Variants in CACNA1A observed in about 807,000 individuals in gnomAD.
The protein encoded by CACNA1A is voltage-dependent P/Q-type calcium channel subunit alpha-1A.
CACNA1A carries 57 observed loss-of-function variants against 262.4 expected under a neutral mutation model. The ratio of observed to expected loss-of-function variants is 0.22; its 90% CI spans 0.18 to 0.27. The LOEUF (loss-of-function observed/expected upper bound fraction) is 0.27. Among genes scored for constraint, CACNA1A ranks in the 10% least tolerant of loss-of-function variants. CACNA1A has a pLI of 1.00. For missense variants in CACNA1A, 2,526 were observed against 3,562.8 expected, an observed-to-expected ratio of 0.71 and a Z score of 7.41; for synonymous variants, 1,431 against 1,419.3, an observed-to-expected ratio of 1.01 and a Z score of -0.18.
At chr19:13,292,667 T>C (rs574294494) in intron 19 of CACNA1A, among the ~76,000 whole-genome samples, 14 of 152,186 alleles carry the variant, frequency 9.2e-5, no homozygotes, top group Middle Eastern at 3.4e-3. Context: ...AGGGTACGTT[T>C]GCAAAAAGCC....
At position 13,207,992 on chromosome 19, in the gene CACNA1A, C is replaced by G; in HGVS notation, c.6842G>C (p.Arg2281Pro). The change falls in exon 47 of 47, where the codon CGG (arginine) becomes CCG (proline). Residue 2281 changes from arginine to proline, a missense_variant. Physicochemically the swap from Arg to Pro is moderately radical, Grantham distance 103. This residue lies in a region of CACNA1A where 929 missense variants were observed against 868.1 expected (regional missense o/e 1.07). Transcript: ENST00000360228. The surrounding 1 kb of genome is among the most constrained non-coding windows in gnomAD (Gnocchi z 5.7). Reference protein sequence around the residue: ...PSTSGTSTPRRGRRQLPQTPS... With the variant: ...PSTSGTSTPRPGRRQLPQTPS... The stretch of plus-strand genomic sequence containing the variant: ...GGTCTGGGGGAGCTGGCGGCGGCCC[C>G]GCCGCGGAGTGCTGGTACCAGATGT... 7.5e-7 allele frequency: 1 copy of G among 1,332,578 alleles called. No individual in the cohort carries two copies. 82.5% of individuals were successfully genotyped at this position (1,332,578 alleles called of 1,614,324 possible).
chr19:13,206,607 C>T lies in CACNA1A; in HGVS notation c.*706G>A. The T allele has an allele frequency of 6.5e-6, 1 of 154,056 alleles. No homozygotes were observed. 9.5% of individuals were successfully genotyped at this position (154,056 alleles called of 1,614,324 possible). On this transcript the variant is annotated 3_prime_UTR_variant, in exon 47 of 47. Coordinates refer to ENST00000360228, the MANE Select transcript of CACNA1A (RefSeq NM_001127222.2). ...TCTTCTTTTGTTGTTTCAAGCAGGACCAAATGTCAGAAAAAAATGCCTCTT... is the reference window on the plus strand; with the variant it reads ...TCTTCTTTTGTTGTTTCAAGCAGGATCAAATGTCAGAAAAAAATGCCTCTT...
chr19:13,472,594 C>T (rs1166439035), intron 1 of CACNA1A, among the ~76,000 whole-genome samples: 2 of 152,192 alleles, frequency 1.3e-5, no homozygotes, highest in African/African-American at 4.8e-5. Context: ...GGCCTTTGCA[C>T]ATGCTGTTCC....
chr19:13,413,315 C>T lies in CACNA1A; in HGVS notation c.539+39561G>A, dbSNP rs555234593. ...TAGAGATGGGGTTTCACTGTGTTAG[C>T]CAGGATGGTCTCAATCTCCTGACCT... On this transcript the variant is annotated intron_variant, in intron 3 of 46. Coordinates refer to ENST00000360228, the MANE Select transcript of CACNA1A (RefSeq NM_001127222.2). Among the ~76,000 whole-genome samples, 72 of 151,142 alleles carry T rather than the reference C, an allele frequency of 4.8e-4. No homozygotes were observed. In the East Asian group the frequency reaches 7.8e-3, roughly 16 times the overall value.
intron 3 of CACNA1A, among the ~76,000 whole-genome samples, chr19:13,374,740 T>C (rs1005038941): frequency 2.6e-5 from 4 of 152,216 alleles, no homozygotes; most frequent in Non-Finnish European, 5.9e-5. Context: ...GTCCTTAGTA[T>C]TTCACTTCAC....
intron 28 of CACNA1A, among the ~76,000 whole-genome samples, 182 bp from the exon 29 acceptor site, chr19:13,255,441 C>T (rs2056520545): frequency 6.6e-6 from 1 of 152,082 alleles, no homozygotes; most frequent in South Asian, 2.1e-4. Context: ...CTTATCCCAA[C>T]AGCTACAGTT....
intron 19 of CACNA1A, among the ~76,000 whole-genome samples, chr19:13,293,439 CTTTTTTT>C (rs974515720): frequency 2.5e-5 from 2 of 80,834 alleles, no homozygotes; most frequent in Admixed American, 1.8e-4. Context: ...TCAGTTAAAT[CTTTTTTT>C]TTTTTTTTTT....
In CACNA1A at chr19:13,495,625, T is replaced by C. The variant is rs1011164783; in HGVS notation, c.293+10307A>G. Among the ~76,000 whole-genome samples, 4 of 152,256 alleles carry C rather than the reference T, an allele frequency of 2.6e-5. 1 individual carries two copies. Among genetic ancestry groups the C allele is most frequent in the Admixed American group, 2.0e-4 (3 of 15,280 alleles). ...AAAATTCACTTGATACTGGAAAAGG[T>C]ACAAATAAGGTGGTAAGCGGAGAGA... On this transcript the variant is annotated intron_variant, in intron 1 of 46. Coordinates refer to ENST00000360228, the MANE Select transcript of CACNA1A (RefSeq NM_001127222.2).
At chr19:13,406,662 G>T (rs1389519004) in intron 3 of CACNA1A, among the ~76,000 whole-genome samples, 1 of 150,256 alleles carries the variant, frequency 6.7e-6, no homozygotes, top group Non-Finnish European at 1.5e-5. Flanking sequence ...TTTGCCCTTT[G>T]ATACTGCACT....
chr19:13,505,096 C>T (rs1489982318), intron 1 of CACNA1A, among the ~76,000 whole-genome samples: 1 of 152,206 alleles, frequency 6.6e-6, no homozygotes, highest in Non-Finnish European at 1.5e-5. Flanking sequence ...GACCCACCAC[C>T]TCATTTGCTG....
At chr19:13,211,016 G>T in intron 43 of CACNA1A, 1 of 274,780 alleles carries the variant, frequency 3.6e-6, no homozygotes, top group South Asian at 5.5e-5. Context: ...CCTGGCTCCG[G>T]CCGATGCTCA....
At chr19:13,500,301 T>TA (rs1982224750) in intron 1 of CACNA1A, among the ~76,000 whole-genome samples, 1 of 152,188 alleles carries the variant, frequency 6.6e-6, no homozygotes, top group African/African-American at 2.4e-5. Context: ...AAGAACAGGG[T>TA]AAAGATCATG....
intron 9 of CACNA1A, 128 bp from the exon 10 acceptor site, chr19:13,330,461 C>T (rs551436008): frequency 3.5e-5 from 25 of 724,238 alleles, no homozygotes; most frequent in Admixed American, 1.4e-4. Context: ...ATAGTATACC[C>T]ATTTTTCAGA....
chr19:13,439,079 G>A (rs1423726238), intron 3 of CACNA1A, among the ~76,000 whole-genome samples: 1 of 150,726 alleles, frequency 6.6e-6, no homozygotes, highest in African/African-American at 2.4e-5. Flanking sequence ...CTGTTTCCTG[G>A]TATTGCCAAA....
At chr19:13,332,497 T>C (rs1324817738) in intron 9 of CACNA1A, among the ~76,000 whole-genome samples, 1 of 152,160 alleles carries the variant, frequency 6.6e-6, no homozygotes, top group Non-Finnish European at 1.5e-5. Flanking sequence ...GGATTATTGG[T>C]GGAATTATTA....
In CACNA1A at chr19:13,207,862, C is replaced by T; in HGVS notation, c.6972G>A (p.Gln2324=). 3.4e-6 allele frequency: 1 copy of T among 294,248 alleles called. No individual in the cohort carries two copies. Among genetic ancestry groups the T allele is most frequent in the East Asian group, 7.1e-5 (1 of 14,178 alleles). The allele number at this position is 294,248 out of a possible 1,614,324, so 18.2% of individuals were successfully genotyped here. The change falls in exon 47 of 47, where the codon CAG becomes CAA. Residue 2324 remains glutamine (Q), a synonymous_variant. Coordinates refer to ENST00000360228, the MANE Select transcript of CACNA1A (RefSeq NM_001127222.2). This position sits in a 1 kb window ranked among gnomAD's most constrained non-coding sequence, Gnocchi z 5.7. ...CCCGGCCCGGCCTGGCCACCGCCTG[C>T]TGCTGCTGCTGCTGCTGCTGCTGCT... The part of the protein sequence containing the change: ...QQQQQQQQQQ[Q]QAVARPGRAA...
In CACNA1A at chr19:13,207,430, G is replaced by A. The variant is rs748037256; in HGVS notation, c.7404C>T (p.His2468=). The A allele has an allele frequency of 5.9e-6, 9 of 1,522,106 alleles. No individual in the cohort carries two copies. Among genetic ancestry groups the A allele is most frequent in the South Asian group, 2.4e-5 (2 of 83,988 alleles). The allele number at this position is 1,522,106 out of a possible 1,614,324, so 94.3% of individuals were successfully genotyped here. A position where few individuals can be genotyped will look rare whatever the true frequency, so the allele number is the denominator to read the frequency against. The change falls in exon 47 of 47, where the codon CAC becomes CAT. Residue 2468 remains histidine, a synonymous_variant. Transcript: ENST00000360228. The surrounding 1 kb of genome is among the most constrained non-coding windows in gnomAD (Gnocchi z 5.7). ...AGTAGCCGTTGGGGAGTCGCCGGCC[G>A]TGCCGAGAAGGCGAGGCGCAGGCCG... is the stretch of plus-strand genomic sequence containing the variant. ...SGPACASPSR[H]GRRLPNGYYP...
At chr19:13,249,950 T>C (rs181214825) in intron 30 of CACNA1A, among the ~76,000 whole-genome samples, 2 of 152,266 alleles carry the variant, frequency 1.3e-5, no homozygotes, top group East Asian at 3.9e-4. Context: ...AAGCTGGTGG[T>C]CAAGAGAACA....
At chr19:13,475,988 G>A (rs1978484527) in intron 1 of CACNA1A, among the ~76,000 whole-genome samples, 1 of 152,184 alleles carries the variant, frequency 6.6e-6, no homozygotes, top group African/African-American at 2.4e-5. Flanking sequence ...GCTATATAAG[G>A]AGGCGGGGAC....
Sources: gnomAD v4.1 joint callset for allele counts (sites outside exome capture counted in the v4.1 genomes callset) on GRCh38, gnomAD v4.1.1 for gene constraint, gnomAD v4.1.1 regional missense constraint, Gnocchi (gnomAD v3.1) non-coding constraint, MANE v1.5 for transcripts, NCBI Gene and HGNC (gene_info 2026-07-23, HGNC 2026-07-21) for gene names.